The following RET variants were observed in gnomAD, a reference collection of about 807,000 sequenced individuals.
RET encodes the protein ret proto-oncogene, also known as proto-oncogene tyrosine-protein kinase receptor Ret.
Under a neutral mutation model 118.3 loss-of-function variants are expected in RET, and 19 were observed. That is an observed-to-expected ratio of 0.16 (90% CI 0.11 to 0.24). The LOEUF is 0.24. Ranked by LOEUF, RET falls within the 10% of genes least tolerant of loss-of-function variation. The pLI is 1.00. For synonymous variants in RET, 597 were observed against 644.1 expected (o/e 0.93, Z 1.11); for missense variants, 1,219 against 1,502.1 (o/e 0.81, Z 3.12).
At chr10:43,113,027 C>A in intron 9 of RET, 64 bp downstream of exon 9, 1 of 1,354,424 alleles carries the variant, frequency 7.4e-7, no homozygotes, top group Non-Finnish European at 1.1e-6. Flanking sequence ...CTGGATCCCA[C>A]AGGCACTTCA....
chr10:43,086,864 C>G (rs139268038), intron 1 of RET, among the ~76,000 whole-genome samples: 7 of 152,288 alleles, frequency 4.6e-5, no homozygotes, highest in African/African-American at 1.7e-4. Context: ...GGGCCTGGGC[C>G]CCTCAGAGCA....
chr10:43,094,721 G>A (rs1837485543), intron 1 of RET, among the ~76,000 whole-genome samples: 1 of 152,244 alleles, frequency 6.6e-6, no homozygotes, highest in African/African-American at 2.4e-5. Flanking sequence ...TGTGCACCGA[G>A]GGTGCAGGAA....
At position 43,109,083 on chromosome 10, in the gene RET, G is replaced by C. The variant is rs750569981; in HGVS notation, c.1116G>C (p.Leu372=). ...LSISENRTMQ[L]AVLVNDSDFQ... Reference sequence around the variant, plus strand: ...TCTCGGAGAACCGCACCATGCAGCTGGCGGTGCTGGTCAATGACTCAGACT... The same window carrying C: ...TCTCGGAGAACCGCACCATGCAGCTCGCGGTGCTGGTCAATGACTCAGACT... The change falls in exon 6 of 20, where the codon CTG becomes CTC. Residue 372 remains leucine, a synonymous_variant. Coordinates refer to ENST00000355710, the MANE Select transcript of RET (RefSeq NM_020975.6). 1 of 1,613,802 alleles carries C rather than the reference G, an allele frequency of 6.2e-7. No individual in the cohort carries two copies. The highest frequency in any genetic ancestry group is 2.2e-5 in the East Asian group (1 of 44,878).
At chr10:43,087,759 G>T (rs1373209679) in intron 1 of RET, among the ~76,000 whole-genome samples, 3 of 152,232 alleles carry the variant, frequency 2.0e-5, no homozygotes, top group Non-Finnish European at 4.4e-5. Context: ...GCCAGTGGTG[G>T]CCCTGTGGGT....
chr10:43,080,426 G>C (rs1270080851), intron 1 of RET, among the ~76,000 whole-genome samples: 1 of 152,240 alleles, frequency 6.6e-6, no homozygotes, highest in South Asian at 2.1e-4. Context: ...AAGTCTGCAA[G>C]GGTCATGGTC....
chr10:43,123,613 C>G, intron 16 of RET, 58 bp from the exon 17 acceptor site: 1 of 1,612,604 alleles, frequency 6.2e-7, no homozygotes, highest in Non-Finnish European at 8.5e-7. Context: ...TCTGGGCCCC[C>G]CGGAGGGCTC....
chr10:43,082,716 C>T (rs1308079442), intron 1 of RET, among the ~76,000 whole-genome samples: 1 of 152,222 alleles, frequency 6.6e-6, no homozygotes, highest in Non-Finnish European at 1.5e-5. Context: ...CAAGCTGTTT[C>T]CAGTTCCCTT....
At chr10:43,125,090 G>C in intron 18 of RET, 108 bp downstream of exon 18, 8 of 995,688 alleles carry the variant, frequency 8.0e-6, no homozygotes, top group Non-Finnish European at 1.1e-5. Context: ...TGGGGCCACA[G>C]TGGGATTGTG....
At position 43,086,916 on chromosome 10, in the gene RET, G is replaced by C. The variant is rs566326623; in HGVS notation, c.73+9585G>C. Among the ~76,000 whole-genome samples, 4 of 152,376 alleles carry C rather than the reference G, an allele frequency of 2.6e-5. No homozygotes were observed. In the East Asian group the frequency reaches 7.7e-4, roughly 29 times the overall value. On this transcript the variant is annotated intron_variant, in intron 1 of 19. Transcript: ENST00000355710. ...TGCAGAAGGTAGCCTTGGGCTGCCA[G>C]GTCCCCCAGTGCCCAGTTGCGGACC...
At chr10:43,124,009 C>T (rs1036449568) in intron 17 of RET, among the ~76,000 whole-genome samples, 2 of 151,926 alleles carry the variant, frequency 1.3e-5, no homozygotes, top group African/African-American at 4.8e-5. Flanking sequence ...TGGTGGGCTT[C>T]CTAGGGGGTC....
At chr10:43,096,905 G>A (rs1837533841) in intron 1 of RET, among the ~76,000 whole-genome samples, 1 of 152,214 alleles carries the variant, frequency 6.6e-6, no homozygotes. Flanking sequence ...CTTGGACCAT[G>A]TGTTTTTCCA....
At position 43,119,611 on chromosome 10, in the gene RET, G is replaced by A. The variant is rs2132945607; in HGVS notation, c.2473G>A (p.Gly825Ser). ...CCGCGAGAGCCGCAAAGTGGGGCCT[G>A]GCTACCTGGGCAGTGGAGGCAGCCG... ...FLRESRKVGP[G>S]YLGSGGSRNS... is the part of the protein sequence containing the mutation. Residue 825 changes from glycine (G) to serine (S), a missense_variant, in exon 14 of 20, where the codon GGC becomes AGC. Coordinates refer to ENST00000355710, the MANE Select transcript of RET (RefSeq NM_020975.6). 6.2e-7 allele frequency: 1 copy of A among 1,612,818 alleles called. No homozygotes were observed. The highest frequency in any genetic ancestry group is 1.1e-5 in the South Asian group (1 of 91,080).
chr10:43,085,161 T>G (rs1381638765), intron 1 of RET, among the ~76,000 whole-genome samples: 1 of 152,018 alleles, frequency 6.6e-6, no homozygotes, highest in Non-Finnish European at 1.5e-5. Flanking sequence ...GCAAATCTGC[T>G]TGGTGGGGGT....
intron 17 of RET, 108 bp downstream of exon 17, chr10:43,123,916 G>A (rs1160214265): frequency 1.7e-5 from 27 of 1,552,552 alleles, no homozygotes; most frequent in Non-Finnish European, 2.4e-5. Flanking sequence ...GAGAAGTGGG[G>A]GGTGGGGAGT....
intron 9 of RET, 100 bp from the exon 10 acceptor site, chr10:43,113,456 C>G: frequency 7.2e-7 from 1 of 1,379,826 alleles, no homozygotes; most frequent in South Asian, 1.4e-5. Context: ...GCTTGCGACA[C>G]CAGTTGGGGA....
intron 1 of RET, among the ~76,000 whole-genome samples, chr10:43,080,733 G>T (rs537964111): frequency 6.6e-6 from 1 of 152,234 alleles, no homozygotes; most frequent in African/African-American, 2.4e-5. Flanking sequence ...TCTGGGTCTC[G>T]TCAGCTTTAG....
chr10:43,117,114 T>C (rs1258851289), intron 12 of RET, among the ~76,000 whole-genome samples: 2 of 152,210 alleles, frequency 1.3e-5, no homozygotes, highest in Admixed American at 1.3e-4. Flanking sequence ...GAGACCCCCA[T>C]GGGCCTGTCT....
intron 1 of RET, among the ~76,000 whole-genome samples, chr10:43,079,050 G>A (rs887503110): frequency 1.3e-5 from 2 of 152,200 alleles, no homozygotes; most frequent in East Asian, 1.9e-4. Flanking sequence ...GAGCCCCTCG[G>A]TGCTCCCCAA....
chr10:43,086,154 G>A (rs952396688), intron 1 of RET, among the ~76,000 whole-genome samples: 4 of 152,080 alleles, frequency 2.6e-5, no homozygotes, highest in African/African-American at 9.7e-5. Flanking sequence ...TAGCCTCTGT[G>A]TGGCCTCCAG....
Sources: allele counts gnomAD v4.1 joint callset (sites outside exome capture counted in the v4.1 genomes callset), GRCh38; gene constraint gnomAD v4.1.1; transcripts MANE v1.5; gene names NCBI Gene and HGNC (gene_info 2026-07-23, HGNC 2026-07-21).